Variants in ACVR1 observed in about 807,000 individuals in gnomAD.
ACVR1 encodes activin A receptor type 1.
Under a neutral mutation model 57.1 loss-of-function variants are expected in ACVR1, and 38 were observed. The observed-to-expected ratio is 0.67, with a 90% CI of 0.51 to 0.87. The LOEUF (loss-of-function observed/expected upper bound fraction) is 0.87. Ranked by LOEUF, ACVR1 falls within the 40% of genes least tolerant of loss-of-function variation. ACVR1 has a pLI of 0.00. For synonymous variants in ACVR1, 212 were observed against 228.1 expected (o/e 0.93, Z 0.63); for missense variants, 463 against 638.2 (o/e 0.73, Z 2.96).
chr2:157,776,420 A>G (rs1337014014), intron 5 of ACVR1, among the ~76,000 whole-genome samples: 1 of 152,152 alleles, frequency 6.6e-6, no homozygotes, highest in Non-Finnish European at 1.5e-5. Context: ...CAATAAACTC[A>G]TTTAATTTTC....
rs189665983 is a variant in ACVR1 at position 157,857,602 on chromosome 2, C to G, written c.-183+18194G>C. On this transcript the variant is annotated intron_variant, in intron 1 of 10. Coordinates refer to ENST00000434821, the MANE Select transcript of ACVR1 (RefSeq NM_001111067.4). ...TATCATTTTCTGCCCTGCCTCCGTA[C>G]AAGGTTATTAAGAGGATCATGTAAA... Among the ~76,000 whole-genome samples, 35 of 152,242 alleles carry G rather than the reference C, an allele frequency of 2.3e-4. 1 individual carries two copies. In the East Asian group the frequency reaches 3.3e-3, roughly 14 times the overall value.
chr2:157,844,995 T>C (rs1362955611), intron 1 of ACVR1, among the ~76,000 whole-genome samples: 3 of 152,198 alleles, frequency 2.0e-5, no homozygotes, highest in Non-Finnish European at 2.9e-5. Flanking sequence ...TAAGTGTCTA[T>C]TGTTTATAAA....
At chr2:157,737,929 A>G (rs1198410416) in intron 10 of ACVR1, among the ~76,000 whole-genome samples, 1 of 152,146 alleles carries the variant, frequency 6.6e-6, no homozygotes, top group Non-Finnish European at 1.5e-5. Flanking sequence ...TGGACCCCTT[A>G]ATGATTTTAT....
At chr2:157,848,339 G>A (rs139054438) in intron 1 of ACVR1, among the ~76,000 whole-genome samples, 7 of 152,200 alleles carry the variant, frequency 4.6e-5, no homozygotes, top group East Asian at 1.9e-4. Flanking sequence ...GAACCCAGCC[G>A]CCATGCTATG....
At chr2:157,768,563 C>T (rs1489340855) in intron 7 of ACVR1, among the ~76,000 whole-genome samples, 2 of 152,186 alleles carry the variant, frequency 1.3e-5, no homozygotes, top group Non-Finnish European at 2.9e-5. Context: ...AGAAGTTTAT[C>T]TGTCCCATTA....
intron 9 of ACVR1, among the ~76,000 whole-genome samples, chr2:157,740,107 C>A (rs1387375163): frequency 6.6e-6 from 1 of 151,860 alleles, no homozygotes; most frequent in South Asian, 2.1e-4. Context: ...TTTGCTTGAA[C>A]CCGGGAGGTG....
chr2:157,805,633 G>T (rs2105313388), intron 2 of ACVR1, among the ~76,000 whole-genome samples: 2 of 152,170 alleles, frequency 1.3e-5, no homozygotes, highest in South Asian at 4.1e-4. Flanking sequence ...CTTCTGGGAA[G>T]GTAGAAGAAA....
intron 9 of ACVR1, among the ~76,000 whole-genome samples, chr2:157,751,150 G>A (rs1685177242): frequency 6.6e-6 from 1 of 152,220 alleles, no homozygotes; most frequent in South Asian, 2.1e-4. Context: ...AGTGGGAAAG[G>A]AGGACTGACT....
chr2:157,756,173 AT>A, intron 9 of ACVR1, among the ~76,000 whole-genome samples: 1 of 152,270 alleles, frequency 6.6e-6, no homozygotes, highest in East Asian at 1.9e-4. Context: ...CTTAAGATGG[AT>A]CAAGGACTTA....
At chr2:157,738,334 G>T in intron 10 of ACVR1, 106 bp downstream of exon 10, 2 of 1,530,030 alleles carry the variant, frequency 1.3e-6, no homozygotes, top group Non-Finnish European at 1.8e-6. Flanking sequence ...GAAAACAACA[G>T]ATCCACGGGA....
chr2:157,779,133 G>A (rs944057910), intron 4 of ACVR1, among the ~76,000 whole-genome samples: 11 of 151,762 alleles, frequency 7.2e-5, no homozygotes, highest in Admixed American at 2.6e-4. Context: ...CTGTGGCCAC[G>A]CTAATCAGAT....
rs908456727 is a variant in ACVR1 at position 157,818,457 on chromosome 2, C to G, written c.-80G>C. Reference sequence around the variant, plus strand: ...GTGCCCTCGTTCAGAGCTTCTCTCACTCTGGTCACTGGGGTACTCGGAGAG... The same window carrying G: ...GTGCCCTCGTTCAGAGCTTCTCTCAGTCTGGTCACTGGGGTACTCGGAGAG... On this transcript the variant is annotated 5_prime_UTR_variant, in exon 2 of 11. Coordinates refer to ENST00000434821, the MANE Select transcript of ACVR1 (RefSeq NM_001111067.4). 2.2e-4 allele frequency: 33 copies of G among 152,358 alleles called. No homozygotes were observed. Among genetic ancestry groups the G allele is most frequent in the African/African-American group, 7.7e-4 (32 of 41,558 alleles). The allele number at this position is 152,358 out of a possible 1,614,324, so 9.4% of individuals were successfully genotyped here.
At chr2:157,798,720 G>A (rs1687212089) in intron 3 of ACVR1, among the ~76,000 whole-genome samples, 1 of 151,904 alleles carries the variant, frequency 6.6e-6, no homozygotes, top group Admixed American at 6.6e-5. Flanking sequence ...TAGAGATGGG[G>A]TTTCACCATG....
chr2:157,807,451 C>T (rs1449889745), intron 2 of ACVR1, among the ~76,000 whole-genome samples: 1 of 152,126 alleles, frequency 6.6e-6, no homozygotes, highest in Non-Finnish European at 1.5e-5. Context: ...CCACGGTCCA[C>T]CTGCTTTGTT....
At chr2:157,745,015 A>T (rs977243779) in intron 9 of ACVR1, among the ~76,000 whole-genome samples, 4 of 152,244 alleles carry the variant, frequency 2.6e-5, no homozygotes, top group Non-Finnish European at 5.9e-5. Context: ...AGCCCATTGT[A>T]ATTCATGGGC....
At chr2:157,749,296 G>A (rs1384813698) in intron 9 of ACVR1, among the ~76,000 whole-genome samples, 5 of 152,240 alleles carry the variant, frequency 3.3e-5, no homozygotes, top group African/African-American at 1.2e-4. Context: ...AGAGCGCACT[G>A]TGGGGGACAT....
intron 1 of ACVR1, among the ~76,000 whole-genome samples, chr2:157,846,292 A>G (rs527553605): frequency 4.6e-5 from 7 of 152,352 alleles, no homozygotes; most frequent in Admixed American, 3.3e-4. Context: ...AAACTGGAAG[A>G]AAGTAAATTT....
intron 1 of ACVR1, among the ~76,000 whole-genome samples, chr2:157,828,619 C>A (rs1688476917): frequency 6.6e-6 from 1 of 151,868 alleles, no homozygotes; most frequent in South Asian, 2.1e-4. Flanking sequence ...AACTCTGTTT[C>A]CAAAAAAAGA....
At chr2:157,762,711 C>G (rs555075642) in intron 8 of ACVR1, among the ~76,000 whole-genome samples, 1 of 152,258 alleles carries the variant, frequency 6.6e-6, no homozygotes, top group East Asian at 1.9e-4. Flanking sequence ...GGTATCTTCA[C>G]AGTTAGGATA....
Sources: gnomAD v4.1 joint callset for allele counts (sites outside exome capture counted in the v4.1 genomes callset) on GRCh38, gnomAD v4.1.1 for gene constraint, MANE v1.5 for transcripts, NCBI Gene and HGNC (gene_info 2026-07-23, HGNC 2026-07-21) for gene names.